The following DGKB variants were observed in gnomAD, a reference collection of about 807,000 sequenced individuals.
DGKB encodes 90 kDa diacylglycerol kinase.
Under a neutral mutation model 114.3 loss-of-function variants are expected in DGKB, and 67 were observed. That is an observed-to-expected ratio of 0.59 (90% confidence interval 0.48 to 0.72). The LOEUF (loss-of-function observed/expected upper bound fraction) is 0.72. DGKB is among the 30% of genes least tolerant of loss of function. The probability of loss-of-function intolerance (pLI) is 0.00; values close to 1 mark genes in which losing one functional copy is unlikely to be tolerated. For missense variants in DGKB, 907 were observed against 975.2 expected (o/e 0.93, Z 0.93); for synonymous variants, 398 against 323.1 (o/e 1.23, Z -2.49).
At chr7:14,271,589 T>C (rs1415959977) in intron 23 of DGKB, among the ~76,000 whole-genome samples, 1 of 152,142 alleles carries the variant, frequency 6.6e-6, no homozygotes, top group Non-Finnish European at 1.5e-5. Context: ...AGGCAGACAA[T>C]GGAGCCTTTG....
At chr7:14,729,001 C>G (rs972745851) in intron 5 of DGKB, among the ~76,000 whole-genome samples, 1 of 151,662 alleles carries the variant, frequency 6.6e-6, no homozygotes, top group Non-Finnish European at 1.5e-5. Flanking sequence ...TGCCAAGGCT[C>G]CAGCCTCTTT....
In DGKB at chr7:14,649,202, C is replaced by T. The variant is rs549101775; in HGVS notation, c.1135-18934G>A. On this transcript the variant is annotated intron_variant, in intron 13 of 25. Coordinates refer to ENST00000402815, the MANE Select transcript of DGKB (RefSeq NM_001350709.2). ...GTAAGACACATAATTGTCAGATTCA[C>T]CAAAGTTGAAATGAAGGAAAAAATG... Among the ~76,000 whole-genome samples, 725 of 147,318 alleles carry T rather than the reference C, an allele frequency of 4.9e-3. 11 individuals are homozygous for T. The highest frequency in any genetic ancestry group is 0.018 in the African/African-American group (702 of 39,626).
chr7:14,172,629 C>A (rs1447221667), intron 25 of DGKB, among the ~76,000 whole-genome samples: 1 of 151,920 alleles, frequency 6.6e-6, no homozygotes, highest in Non-Finnish European at 1.5e-5. Flanking sequence ...TGTGAGAAGA[C>A]CTCATCTGGG....
chr7:14,230,656 C>G (rs186619178), intron 23 of DGKB, among the ~76,000 whole-genome samples: 15 of 152,052 alleles, frequency 9.9e-5, no homozygotes, highest in African/African-American at 3.4e-4. Flanking sequence ...TACTTTAAAA[C>G]CTTAGTTTAA....
At chr7:14,378,988 A>C (rs1818940420) in intron 21 of DGKB, among the ~76,000 whole-genome samples, 1 of 152,178 alleles carries the variant, frequency 6.6e-6, no homozygotes, top group Non-Finnish European at 1.5e-5. Context: ...TTTGATTAAA[A>C]ATAAAGTAAA....
At chr7:14,279,246 C>T (rs28892892) in intron 23 of DGKB, among the ~76,000 whole-genome samples, 18,411 of 152,100 alleles carry the variant, frequency 0.12, 3,198 homozygotes, top group African/African-American at 0.38. Flanking sequence ...CACGGAGTCT[C>T]GCTGATTGCT....
chr7:14,176,816 C>G, intron 25 of DGKB, 23 bp downstream of exon 25: 1 of 1,604,522 alleles, frequency 6.2e-7, no homozygotes, highest in Non-Finnish European at 8.5e-7. Context: ...ATTGACATAG[C>G]ATATCAACTA....
chr7:14,685,283 A>G lies in DGKB; in HGVS notation c.791T>C (p.Met264Thr), dbSNP rs760982789. 6.2e-7 allele frequency: 1 copy of G among 1,613,844 alleles called. No individual in the cohort carries two copies. Among genetic ancestry groups the G allele is most frequent in the East Asian group, 2.2e-5 (1 of 44,870 alleles). ...GCCCTGCTTCCCCACGCCAATCAGC[A>G]TGTTCAGGCAAAGGTTGCAATAGGC... is the stretch of plus-strand genomic sequence containing the variant. ...KPAYCNLCLNMLIGVGKQGLC... is the reference protein window; with the variant it reads ...KPAYCNLCLNTLIGVGKQGLC... The change falls in exon 10 of 26, where the codon ATG becomes ACG. Residue 264 changes from methionine (M) to threonine (T), a missense_variant. This residue lies in a region of DGKB where 814 missense variants were observed against 856.6 expected (regional missense o/e 0.95). Transcript: ENST00000402815.
chr7:14,658,886 T>A (rs1816415542), intron 13 of DGKB, among the ~76,000 whole-genome samples: 1 of 151,942 alleles, frequency 6.6e-6, no homozygotes, highest in Non-Finnish European at 1.5e-5. Context: ...CTTGATGGTA[T>A]TTTTATTAAC....
intron 23 of DGKB, among the ~76,000 whole-genome samples, chr7:14,337,178 T>G (rs1810832828): frequency 6.6e-6 from 1 of 152,090 alleles, no homozygotes; most frequent in Non-Finnish European, 1.5e-5. Context: ...AATGAATATT[T>G]AAATACAAAT....
chr7:14,463,624 T>C (rs1019487782), intron 21 of DGKB, among the ~76,000 whole-genome samples: 1 of 152,142 alleles, frequency 6.6e-6, no homozygotes, highest in Non-Finnish European at 1.5e-5. Flanking sequence ...ACTCATCTTC[T>C]ACCCTGAGCA....
chr7:14,580,872 T>C lies in DGKB; in HGVS notation c.1599A>G (p.Arg533=). 1 of 1,603,858 alleles carries C rather than the reference T, an allele frequency of 6.2e-7. No homozygotes were observed. Among genetic ancestry groups the C allele is most frequent in the Admixed American group, 1.7e-5 (1 of 59,820 alleles). ...TTGCAGCTGCTTTACCTCCTCCCCA[T>C]CGCAGGCATCTTGCTAGATCATTGC... The part of the protein sequence containing the change: ...GTGNDLARCL[R]WGGGYEGENL... Residue 533 remains arginine (R), a synonymous_variant, in exon 19 of 26, where the codon CGA becomes CGG. Coordinates refer to ENST00000402815, the MANE Select transcript of DGKB (RefSeq NM_001350709.2).
intron 20 of DGKB, among the ~76,000 whole-genome samples, chr7:14,510,102 G>C (rs375130092): frequency 6.6e-6 from 1 of 152,302 alleles, no homozygotes; most frequent in East Asian, 1.9e-4. Flanking sequence ...TCTCAATGCT[G>C]AGGCTGTTGA....
At chr7:14,894,406 A>G (rs2128229209) in intron 1 of DGKB, among the ~76,000 whole-genome samples, 1 of 151,522 alleles carries the variant, frequency 6.6e-6, no homozygotes, top group East Asian at 1.9e-4. Context: ...GATAAGACAC[A>G]GGCGCTAATT....
intron 20 of DGKB, among the ~76,000 whole-genome samples, chr7:14,505,768 C>T (rs909683140): frequency 3.3e-5 from 5 of 152,136 alleles, no homozygotes; most frequent in Non-Finnish European, 5.9e-5. Context: ...ATGTGAATGA[C>T]GCTCAAACGC....
At chr7:14,159,786 C>A (rs1275629765) in intron 25 of DGKB, among the ~76,000 whole-genome samples, 1 of 152,126 alleles carries the variant, frequency 6.6e-6, no homozygotes, top group African/African-American at 2.4e-5. Flanking sequence ...GATTCTTCTG[C>A]CTTAGCTTCC....
chr7:14,596,189 C>T (rs1038766198), intron 17 of DGKB, among the ~76,000 whole-genome samples: 8 of 152,166 alleles, frequency 5.3e-5, no homozygotes, highest in African/African-American at 1.9e-4. Flanking sequence ...AATAATGATA[C>T]ATTTAATATC....
At chr7:14,165,747 A>G (rs1010943529) in intron 25 of DGKB, among the ~76,000 whole-genome samples, 1 of 152,168 alleles carries the variant, frequency 6.6e-6, no homozygotes, top group South Asian at 2.1e-4. Context: ...CTTTGAAAGG[A>G]CCATTAAAAC....
intron 13 of DGKB, among the ~76,000 whole-genome samples, chr7:14,657,783 G>A (rs1585409609): frequency 1.3e-5 from 2 of 151,952 alleles, no homozygotes; most frequent in East Asian, 1.9e-4. Flanking sequence ...TCAAATTTCA[G>A]AATCACAGAA....
Sources: allele counts gnomAD v4.1 joint callset (sites outside exome capture counted in the v4.1 genomes callset), GRCh38; gene constraint gnomAD v4.1.1; regional missense constraint gnomAD v4.1.1; transcripts MANE v1.5; gene names NCBI Gene and HGNC (gene_info 2026-07-23, HGNC 2026-07-21).